Variants in MARCHF7 observed in about 807,000 individuals in gnomAD.
MARCHF7 encodes E3 ubiquitin-protein ligase MARCHF7.
Under a neutral mutation model 76.5 loss-of-function variants are expected in MARCHF7, and 20 were observed. That is an observed-to-expected ratio of 0.26 (90% CI 0.18 to 0.38). The LOEUF (loss-of-function observed/expected upper bound fraction) is 0.38, where lower values mean the gene tolerates loss of function less well. MARCHF7 is among the 10% of genes least tolerant of loss of function. The pLI is 1.00. For missense variants in MARCHF7, 797 were observed against 812.9 expected (o/e 0.98, Z 0.24); for synonymous variants, 295 against 293.0 (o/e 1.01, Z -0.07).
intron 8 of MARCHF7, among the ~76,000 whole-genome samples, chr2:159,755,555 A>G (rs906120241): frequency 1.4e-4 from 22 of 152,182 alleles, no homozygotes; most frequent in African/African-American, 2.4e-4. Flanking sequence ...CTATAGAAGC[A>G]TATATATAGG....
chr2:159,743,526 A>G (rs1704399955), intron 5 of MARCHF7, among the ~76,000 whole-genome samples: 2 of 152,228 alleles, frequency 1.3e-5, no homozygotes, highest in African/African-American at 4.8e-5. Context: ...AAATGTATGT[A>G]TTCTTTTGGT....
chr2:159,732,097 C>CT (rs1367937230), intron 4 of MARCHF7, among the ~76,000 whole-genome samples: 1 of 151,882 alleles, frequency 6.6e-6, no homozygotes, highest in Non-Finnish European at 1.5e-5. Context: ...GAGCGAGACT[C>CT]TGTCTCAAAA....
At chr2:159,744,732 A>G (rs1355008555) in intron 5 of MARCHF7, among the ~76,000 whole-genome samples, 5 of 152,232 alleles carry the variant, frequency 3.3e-5, no homozygotes, top group Non-Finnish European at 7.3e-5. Flanking sequence ...GTAGACAAAC[A>G]CCACTGTGCC....
Position 159,748,659 on chromosome 2 carries a change from G to A in MARCHF7, c.1369G>A (p.Ala457Thr), listed in dbSNP as rs755965180. ...RPQASAASSS[A>T]TTGGSTSDSA... ...ACAAGCATCTGCAGCATCAAGCAGT[G>A]CCACAACAGGTGGCTCTACATCAGA... The change falls in exon 7 of 12, where the codon GCC becomes ACC. Residue 457 changes from alanine (A) to threonine (T), a missense_variant. By Grantham distance (58) the Ala-to-Thr change is moderately conservative. This residue lies in a region of MARCHF7 where 643 missense variants were observed against 631.5 expected (regional missense o/e 1.02). Transcript: ENST00000409175. 4 of 1,614,090 alleles carry A rather than the reference G, an allele frequency of 2.5e-6. No individual in the cohort carries two copies. In the African/African-American group the frequency reaches 5.3e-5, roughly 22 times the overall value.
chr2:159,759,455 A>G, intron 9 of MARCHF7, 120 bp downstream of exon 9: 2 of 470,584 alleles, frequency 4.3e-6, no homozygotes, highest in South Asian at 4.6e-5. Context: ...AACAGTGATA[A>G]TGTTCTTAAC....
In MARCHF7 at chr2:159,762,934, T is replaced by G. The variant is rs773754967; in HGVS notation, c.1948T>G (p.Cys650Gly). ...GLYLVVLLHLCEQSFSDMMGN... is the reference protein window; with the variant it reads ...GLYLVVLLHLGEQSFSDMMGN... ...CTACCTAGTGGTGTTATTGCACTTG[T>G]GCGAACAAAGCTTTTCTGATATGAT... is the stretch of plus-strand genomic sequence containing the variant. The change falls in exon 10 of 12, where the codon TGC becomes GGC. Residue 650 changes from cysteine to glycine, a missense_variant. Physicochemically the swap from Cys to Gly is radical, Grantham distance 159. Coordinates refer to ENST00000409175, the MANE Select transcript of MARCHF7 (RefSeq NM_001282805.2). The G allele has an allele frequency of 6.2e-7, 1 of 1,613,368 alleles. No homozygotes were observed. The highest frequency in any genetic ancestry group is 1.7e-5 in the Admixed American group (1 of 59,852).
chr2:159,748,976 T>TC (rs1705253845), intron 7 of MARCHF7, 73 bp downstream of exon 7: 4 of 734,548 alleles, frequency 5.4e-6, no homozygotes, highest in African/African-American at 4.0e-5. Context: ...TTTTTTTCTT[T>TC]TCTTTTTTTT....
Position 159,759,283 on chromosome 2 carries a change from A to G in MARCHF7, c.1841A>G (p.Asn614Ser). ...CTATGTAAAGAGAAGTTGGAGCTTA[A>G]CCTGGAGGATTTTGATATTCATGAA... ...CELCKEKLEL[N>S]LEDFDIHELH... The change falls in exon 9 of 12, where the codon AAC (asparagine) becomes AGC (serine). Residue 614 changes from asparagine to serine, a missense_variant. Asn to Ser is a conservative substitution (Grantham distance 46). Transcript: ENST00000409175. 6.2e-7 allele frequency: 1 copy of G among 1,612,630 alleles called. No individual in the cohort carries two copies. Among genetic ancestry groups the G allele is most frequent in the Non-Finnish European group, 8.5e-7 (1 of 1,178,932 alleles).
intron 8 of MARCHF7, among the ~76,000 whole-genome samples, chr2:159,756,168 C>T (rs1438942849): frequency 6.6e-6 from 1 of 152,152 alleles, no homozygotes; most frequent in Non-Finnish European, 1.5e-5. Context: ...TGAACAACAA[C>T]AACTTGACTC....
intron 4 of MARCHF7, among the ~76,000 whole-genome samples, chr2:159,742,110 G>T (rs1704195114): frequency 6.6e-6 from 1 of 152,112 alleles, no homozygotes; most frequent in Non-Finnish European, 1.5e-5. Flanking sequence ...AAAATAGTTT[G>T]TACATTATCA....
intron 3 of MARCHF7, among the ~76,000 whole-genome samples, chr2:159,717,471 C>T (rs1433082755): frequency 2.0e-5 from 3 of 151,970 alleles, no homozygotes; most frequent in African/African-American, 4.8e-5. Flanking sequence ...CATGGAAGCT[C>T]ATTATTGGCT....
At position 159,766,356 on chromosome 2, in the gene MARCHF7, A is replaced by G. The variant is rs530194821; in HGVS notation, c.2057-928A>G. 3.9e-5 allele frequency among the ~76,000 whole-genome samples: 6 copies of G among 152,270 alleles called. No homozygotes were observed. The South Asian group carries it at 1.0e-3, about 26-fold the overall frequency. On this transcript the variant is annotated intron_variant, in intron 11 of 11. Transcript: ENST00000409175. ...TCATTTATTAAATGGATTTAAATCT[A>G]TTAGTGTTGCATAGTTTTTCTGTGC...
rs5835757 is a variant in MARCHF7 at position 159,759,503 on chromosome 2, ATT to A, written c.1893+180_1893+181del. On this transcript the variant is annotated intron_variant, in intron 9 of 11. Coordinates refer to ENST00000409175, the MANE Select transcript of MARCHF7 (RefSeq NM_001282805.2). ...CTGCATTAGGTGTTAGAATTTCATAATTTTTTTTTTTTTATTTTTCCCTTAAG... is the reference window on the plus strand; with the variant it reads ...CTGCATTAGGTGTTAGAATTTCATAATTTTTTTTTTTATTTTTCCCTTAAG... The A allele has an allele frequency of 9.9e-3, 2,978 of 299,444 alleles. 1 individual carries two copies. The highest frequency in any genetic ancestry group is 0.015 in the East Asian group (279 of 18,386). The allele number at this position is 299,444 out of a possible 1,614,324, so 18.5% of individuals were successfully genotyped here.
Position 159,748,526 on chromosome 2 carries a change from A to G in MARCHF7, c.1236A>G (p.Ile412Met). Residue 412 changes from isoleucine (I) to methionine (M), a missense_variant, in exon 7 of 12, where the codon ATA becomes ATG. Coordinates refer to ENST00000409175, the MANE Select transcript of MARCHF7 (RefSeq NM_001282805.2). The stretch of plus-strand genomic sequence containing the variant: ...AGGGAAGAGATGAATCTTCAAGGAT[A>G]CCTACCTCTGATACATCATCTAGAT... Reference protein sequence around the residue: ...RREGRDESSRIPTSDTSSRSH... With the variant: ...RREGRDESSRMPTSDTSSRSH... 6.2e-7 allele frequency: 1 copy of G among 1,614,182 alleles called. No individual in the cohort carries two copies. Among genetic ancestry groups the G allele is most frequent in the Non-Finnish European group, 8.5e-7 (1 of 1,180,018 alleles).
rs754963746 is a variant in MARCHF7, at chr2:159,748,642, C to G, written c.1352C>G (p.Ser451Cys). Residue 451 changes from serine (S) to cysteine (C), a missense_variant, in exon 7 of 12, where the codon TCT becomes TGT. By Grantham distance (112) the Ser-to-Cys change is moderately radical (BLOSUM62 -1). Transcript: ENST00000409175. ...GCTGCTGCCAACAGACCACAAGCATCTGCAGCATCAAGCAGTGCCACAACA... is the reference window on the plus strand; with the variant it reads ...GCTGCTGCCAACAGACCACAAGCATGTGCAGCATCAAGCAGTGCCACAACA... ...LGAAANRPQA[S>C]AASSSATTGG... 6.2e-7 allele frequency: 1 copy of G among 1,614,228 alleles called. No homozygotes were observed. Among genetic ancestry groups the G allele is most frequent in the South Asian group, 1.1e-5 (1 of 91,086 alleles).
intron 7 of MARCHF7, among the ~76,000 whole-genome samples, 193 bp downstream of exon 7, chr2:159,749,096 A>T (rs554901256): frequency 6.9e-6 from 1 of 145,784 alleles, no homozygotes; most frequent in East Asian, 2.0e-4. Context: ...CTCCTGTTTC[A>T]GCCTCCCGAG....
chr2:159,734,675 C>T (rs1703237278), intron 4 of MARCHF7, among the ~76,000 whole-genome samples: 1 of 151,798 alleles, frequency 6.6e-6, no homozygotes, highest in Admixed American at 6.6e-5. Flanking sequence ...ATGAGTATTG[C>T]ATATAAGAAA....
At chr2:159,721,867 T>C (rs747541123) in intron 3 of MARCHF7, among the ~76,000 whole-genome samples, 1 of 152,202 alleles carries the variant, frequency 6.6e-6, no homozygotes, top group Non-Finnish European at 1.5e-5. Context: ...AAACTTTTAA[T>C]GAAGCTTGGA....
At chr2:159,734,087 G>C in intron 4 of MARCHF7, 1 of 1,330,428 alleles carries the variant, frequency 7.5e-7, no homozygotes, top group Non-Finnish European at 9.9e-7. Flanking sequence ...GTAACAGTAA[G>C]CAAAATTTAC....
Sources: allele counts gnomAD v4.1 joint callset (sites outside exome capture counted in the v4.1 genomes callset), GRCh38; gene constraint gnomAD v4.1.1; regional missense constraint gnomAD v4.1.1; transcripts MANE v1.5; gene names NCBI Gene and HGNC (gene_info 2026-07-23, HGNC 2026-07-21).